The following TIAM1 variants were observed in gnomAD, a reference collection of about 807,000 sequenced individuals.
TIAM1 encodes TIAM Rac1 associated GEF 1.
In TIAM1, 65 loss-of-function variants were observed where a neutral mutation model predicts 163.5. The observed-to-expected ratio is 0.40, with a 90% CI of 0.33 to 0.49. The LOEUF is 0.49. Ranked by LOEUF, TIAM1 falls within the 20% of genes least tolerant of loss-of-function variation. TIAM1 has a pLI of 0.77. For synonymous variants in TIAM1, 833 were observed against 810.1 expected, an observed-to-expected ratio of 1.03 and a Z score of -0.48; for missense variants, 1,789 against 2,044.7, an observed-to-expected ratio of 0.87 and a Z score of 2.41.
intron 1 of TIAM1, among the ~76,000 whole-genome samples, chr21:31,555,444 C>T (rs1470879162): frequency 3.9e-5 from 6 of 151,998 alleles, no homozygotes; most frequent in African/African-American, 1.5e-4. Context: ...ACACACATCC[C>T]CAGTGAAAGT....
At chr21:31,390,170 T>G (rs1360605590) in intron 2 of TIAM1, among the ~76,000 whole-genome samples, 1 of 152,186 alleles carries the variant, frequency 6.6e-6, no homozygotes, top group African/African-American at 2.4e-5. Context: ...ATTATGGACA[T>G]AATGTTTTCA....
chr21:31,386,890 G>A (rs550526), intron 2 of TIAM1, among the ~76,000 whole-genome samples: 47,622 of 152,144 alleles, frequency 0.31, 7,640 homozygotes, highest in Middle Eastern at 0.4. Flanking sequence ...GAGCTTATTT[G>A]CCTGCGGAAG....
chr21:31,546,791 T>A (rs980844278), intron 1 of TIAM1, among the ~76,000 whole-genome samples: 2 of 152,216 alleles, frequency 1.3e-5, no homozygotes, highest in African/African-American at 2.4e-5. Flanking sequence ...AAGTAACTTG[T>A]TGAAGCTTGA....
chr21:31,476,678 G>T (rs111388723), intron 1 of TIAM1, among the ~76,000 whole-genome samples: 3 of 152,074 alleles, frequency 2.0e-5, no homozygotes, highest in Admixed American at 6.6e-5. Flanking sequence ...ATGCACGGAG[G>T]GACGCCATGA....
rs1386285828 is a variant in TIAM1, at chr21:31,118,807, C to T, written c.*1561G>A. ...AATAAAACTTTCAAAAGATCAAGCT[C>T]GAAGCCCTGGAAACCCGAAAGGCGG... On this transcript the variant is annotated 3_prime_UTR_variant, in exon 28 of 28. Transcript: ENST00000541036. 6 of 360,386 alleles carry T rather than the reference C, an allele frequency of 1.7e-5. No homozygotes were observed. The highest frequency in any genetic ancestry group is 2.2e-5 in the South Asian group (1 of 45,512). 22.3% of individuals were successfully genotyped at this position (360,386 alleles called of 1,614,324 possible).
At chr21:31,160,496 C>A (rs2083862104) in intron 16 of TIAM1, 1 of 398,670 alleles carries the variant, frequency 2.5e-6, no homozygotes, top group African/African-American at 2.1e-5. Flanking sequence ...TGTTTTCAAT[C>A]CTGGGCTTGC....
intron 14 of TIAM1, among the ~76,000 whole-genome samples, chr21:31,186,479 A>G (rs2085311441): frequency 6.6e-6 from 1 of 152,182 alleles, no homozygotes; most frequent in South Asian, 2.1e-4. Context: ...ATTTCCCACC[A>G]GCCCCAGGGT....
At chr21:31,158,619 T>C (rs1182652391) in intron 16 of TIAM1, among the ~76,000 whole-genome samples, 2 of 152,216 alleles carry the variant, frequency 1.3e-5, no homozygotes, top group African/African-American at 4.8e-5. Context: ...AAAATTTGCT[T>C]GGAAACAAAT....
chr21:31,508,391 T>C (rs1044234767), intron 1 of TIAM1, among the ~76,000 whole-genome samples: 7 of 150,570 alleles, frequency 4.6e-5, no homozygotes, highest in Admixed American at 6.6e-5. Context: ...AAATTTCTTT[T>C]TTTTTTTTTT....
intron 15 of TIAM1, among the ~76,000 whole-genome samples, chr21:31,173,894 A>G (rs951402326): frequency 2.6e-5 from 4 of 152,276 alleles, no homozygotes; most frequent in African/African-American, 9.6e-5. Flanking sequence ...TGACGGTGTC[A>G]TCAGTCAAAT....
Position 31,147,012 on chromosome 21 carries a change from G to C in TIAM1, c.3367-9C>G, listed in dbSNP as rs1278745592. The C allele has an allele frequency of 6.2e-7, 1 of 1,610,938 alleles. No homozygotes were observed. The highest frequency in any genetic ancestry group is 1.3e-5 in the African/African-American group (1 of 74,878). On this transcript the variant is annotated splice_polypyrimidine_tract_variant and intron_variant, in intron 19 of 27. Transcript: ENST00000541036. ...AGAGAGAACAGCACTTTCTGGATTT[G>C]ACGAGAAAAGGCACAGTTGGTTGTT...
chr21:31,373,495 AT>A (rs1383799144), intron 2 of TIAM1, among the ~76,000 whole-genome samples: 2 of 152,216 alleles, frequency 1.3e-5, no homozygotes, highest in African/African-American at 4.8e-5. Context: ...GAAACCCCTG[AT>A]AAACCCATCG....
intron 2 of TIAM1, among the ~76,000 whole-genome samples, chr21:31,413,887 C>T (rs2043289848): frequency 1.3e-5 from 2 of 152,098 alleles, no homozygotes; most frequent in African/African-American, 2.4e-5. Context: ...CTCAGCCAGT[C>T]CCCCCGCAAC....
chr21:31,309,056 T>A (rs766874442), intron 2 of TIAM1, among the ~76,000 whole-genome samples: 3 of 152,176 alleles, frequency 2.0e-5, no homozygotes, highest in Non-Finnish European at 4.4e-5. Flanking sequence ...CTCTGCACGA[T>A]ATACCGATCA....
At chr21:31,530,299 C>A (rs189392877) in intron 1 of TIAM1, among the ~76,000 whole-genome samples, 7 of 152,248 alleles carry the variant, frequency 4.6e-5, no homozygotes, top group Non-Finnish European at 8.8e-5. Flanking sequence ...TTAACCCTCT[C>A]ACCACCACTT....
chr21:31,393,176 G>T (rs975269379), intron 2 of TIAM1, among the ~76,000 whole-genome samples: 7 of 152,036 alleles, frequency 4.6e-5, no homozygotes, highest in African/African-American at 1.2e-4. Flanking sequence ...GGCTGGTCTC[G>T]AACTCCTGAC....
intron 2 of TIAM1, among the ~76,000 whole-genome samples, chr21:31,357,921 TTCC>T (rs1476299849): frequency 4.6e-5 from 7 of 152,216 alleles, no homozygotes; most frequent in Non-Finnish European, 8.8e-5. Flanking sequence ...CCTTTGCTGG[TTCC>T]TCCTCTTCTC....
At chr21:31,147,312 T>C (rs1459904584) in intron 19 of TIAM1, among the ~76,000 whole-genome samples, 4 of 152,150 alleles carry the variant, frequency 2.6e-5, no homozygotes, top group Admixed American at 2.6e-4. Flanking sequence ...TGAGAAAGTA[T>C]ATACTTTGGA....
At chr21:31,501,718 G>A (rs1383574163) in intron 1 of TIAM1, among the ~76,000 whole-genome samples, 2 of 151,994 alleles carry the variant, frequency 1.3e-5, no homozygotes, top group African/African-American at 2.4e-5. Context: ...TTCTCCTGCC[G>A]CAGCCTCCAG....
Sources: allele counts gnomAD v4.1 joint callset (sites outside exome capture counted in the v4.1 genomes callset), GRCh38; gene constraint gnomAD v4.1.1; transcripts MANE v1.5; gene names NCBI Gene and HGNC (gene_info 2026-07-23, HGNC 2026-07-21).